The following NUDCD3 variants were observed in gnomAD, a reference collection of about 807,000 sequenced individuals.
NUDCD3 encodes the protein NudC domain containing 3.
Under a neutral mutation model 39.7 loss-of-function variants are expected in NUDCD3, and 13 were observed. That is an observed-to-expected ratio of 0.33 (90% CI 0.21 to 0.52). NUDCD3 has a LOEUF of 0.52. Among genes scored for constraint, NUDCD3 ranks in the 20% least tolerant of loss-of-function variants. The probability of loss-of-function intolerance (pLI) is 0.96; values close to 1 mark genes in which losing one functional copy is unlikely to be tolerated. For synonymous variants in NUDCD3, 175 were observed against 172.4 expected (o/e 1.02, Z -0.12); for missense variants, 453 against 458.1 (o/e 0.99, Z 0.10).
rs930077619 is a variant in NUDCD3, at chr7:44,439,328, A to G, written c.510-11625T>C. Among the ~76,000 whole-genome samples the G allele has an allele frequency of 4.6e-5, 7 of 152,316 alleles. No individual in the cohort carries two copies. In the East Asian group the frequency reaches 1.3e-3, roughly 29 times the overall value. ...GACAGCTCATGTTTAGTTCCTATAC[A>G]TCCAGGTAGAGAGGTAAAAAAGAGG... On this transcript the variant is annotated intron_variant, in intron 2 of 5. Coordinates refer to ENST00000355451, the MANE Select transcript of NUDCD3 (RefSeq NM_015332.4).
rs145132159 is a variant in NUDCD3 at position 44,415,487 on chromosome 7, T to C, written c.643-10904A>G. Among the ~76,000 whole-genome samples the C allele has an allele frequency of 5.7e-3, 866 of 152,334 alleles. 4 individuals carry two copies. Among genetic ancestry groups the C allele is most frequent in the African/African-American group, 0.02 (824 of 41,576 alleles). On this transcript the variant is annotated intron_variant, in intron 3 of 5. Coordinates refer to ENST00000355451, the MANE Select transcript of NUDCD3 (RefSeq NM_015332.4). ...TTTTCTTTCAGATTCACTAGCAAGA[T>C]GATTTTTTTTAAATGTTACGATGTA...
At position 44,385,936 on chromosome 7, in the gene NUDCD3, G is replaced by T; in HGVS notation, c.*75C>A. ...AACAAGACGAGCAAGTCCCTGGAAT[G>T]CAGGGAGCCAAGAAGGGCAGCCGAG... On this transcript the variant is annotated 3_prime_UTR_variant, in exon 6 of 6. Transcript: ENST00000355451. 1 of 780,630 alleles carries T rather than the reference G, an allele frequency of 1.3e-6. No individual in the cohort carries two copies. Among genetic ancestry groups the T allele is most frequent in the Non-Finnish European group, 2.3e-6 (1 of 431,202 alleles). 48.4% of individuals were successfully genotyped at this position (780,630 alleles called of 1,614,324 possible). A position where few individuals can be genotyped will look rare whatever the true frequency, so the allele number is the denominator to read the frequency against.
chr7:44,398,022 A>G (rs907102676), intron 4 of NUDCD3, among the ~76,000 whole-genome samples: 15 of 152,240 alleles, frequency 9.9e-5, no homozygotes, highest in Admixed American at 6.5e-4. Context: ...CACAGCCCTC[A>G]GTGGGTGGGG....
At position 44,456,036 on chromosome 7, in the gene NUDCD3, A is replaced by C. The variant is rs1213918155; in HGVS notation, c.510-28333T>G. 9.2e-5 allele frequency among the ~76,000 whole-genome samples: 12 copies of C among 130,088 alleles called. No individual in the cohort carries two copies. In the East Asian group the frequency reaches 1.6e-3, roughly 18 times the overall value. 85.3% of individuals were successfully genotyped at this position (130,088 alleles called of 152,430 possible). A position where few individuals can be genotyped will look rare whatever the true frequency, so the allele number is the denominator to read the frequency against. On this transcript the variant is annotated intron_variant, in intron 2 of 5. Transcript: ENST00000355451. ...GCGAGACTCCGTCTCAAAAAAAAAA[A>C]AAAAAAAAAAAAAACAAAAAAACAA... is the stretch of plus-strand genomic sequence containing the variant.
At chr7:44,387,386 T>C (rs1406197534) in intron 5 of NUDCD3, among the ~76,000 whole-genome samples, 2 of 152,162 alleles carry the variant, frequency 1.3e-5, no homozygotes, top group South Asian at 4.1e-4. Flanking sequence ...ACAGATACTA[T>C]ATACTAGGGA....
chr7:44,388,439 G>C (rs1798442557), intron 5 of NUDCD3, among the ~76,000 whole-genome samples: 1 of 152,204 alleles, frequency 6.6e-6, no homozygotes. Context: ...GGCCACATGA[G>C]GGCACACACC....
At chr7:44,484,261 G>A (rs1356117168) in intron 2 of NUDCD3, among the ~76,000 whole-genome samples, 5 of 152,164 alleles carry the variant, frequency 3.3e-5, no homozygotes, top group Non-Finnish European at 5.9e-5. Flanking sequence ...CAGACTGTAA[G>A]GAAGGACTGT....
chr7:44,413,022 G>A (rs1193915911), intron 3 of NUDCD3, among the ~76,000 whole-genome samples: 1 of 151,700 alleles, frequency 6.6e-6, no homozygotes, highest in Non-Finnish European at 1.5e-5. Flanking sequence ...AGATCAAAGT[G>A]GATTATAAGG....
intron 2 of NUDCD3, among the ~76,000 whole-genome samples, chr7:44,473,860 A>C (rs144000655): frequency 1.3e-5 from 2 of 151,364 alleles, no homozygotes; most frequent in Non-Finnish European, 3.0e-5. Context: ...ATTTTGAGGG[A>C]AAAAAAAGAG....
intron 1 of NUDCD3, chr7:44,490,123 T>C (rs138786079): frequency 1.8e-5 from 6 of 331,120 alleles, no homozygotes; most frequent in African/African-American, 1.3e-4. Flanking sequence ...GCTCCCTGAC[T>C]AGCGGCCCCC....
chr7:44,468,501 T>C (rs1312172578), intron 2 of NUDCD3, among the ~76,000 whole-genome samples: 1 of 152,088 alleles, frequency 6.6e-6, no homozygotes, highest in Non-Finnish European at 1.5e-5. Flanking sequence ...TTCCATAACA[T>C]AATTTTTTTA....
At position 44,379,210 on chromosome 7, in the gene NUDCD3, TG is replaced by T; in HGVS notation, c.*6800del. ...GTGCACACTTACAGTCCCAGCTACT[TG>T]GGAGGCTGAAGCAGGAGGATCACTT... is the stretch of plus-strand genomic sequence containing the variant. On this transcript the variant is annotated 3_prime_UTR_variant, in exon 6 of 6. Transcript: ENST00000355451. 6.6e-6 allele frequency: 1 copy of T among 151,040 alleles called. No individual in the cohort carries two copies. The highest frequency in any genetic ancestry group is 1.5e-5 in the Non-Finnish European group (1 of 67,862). The allele number at this position is 151,040 out of a possible 1,614,324, so 9.4% of individuals were successfully genotyped here.
At chr7:44,452,498 C>T (rs1228702181) in intron 2 of NUDCD3, among the ~76,000 whole-genome samples, 1 of 152,210 alleles carries the variant, frequency 6.6e-6, no homozygotes, top group African/African-American at 2.4e-5. Flanking sequence ...GCTGAAGACA[C>T]AGGCCCTCCA....
At chr7:44,427,500 G>C (rs1799259222) in intron 3 of NUDCD3, 71 bp downstream of exon 3, 1 of 1,531,986 alleles carries the variant, frequency 6.5e-7, no homozygotes, top group Non-Finnish European at 8.8e-7. Flanking sequence ...AAGGATGCTG[G>C]TGGGTCTTCC....
chr7:44,419,225 G>A (rs1799089910), intron 3 of NUDCD3, among the ~76,000 whole-genome samples: 1 of 152,130 alleles, frequency 6.6e-6, no homozygotes, highest in African/African-American at 2.4e-5. Context: ...TGGAAGCTCG[G>A]ACTGGGTGGA....
At chr7:44,390,007 T>C (rs1436915744) in intron 5 of NUDCD3, among the ~76,000 whole-genome samples, 1 of 152,144 alleles carries the variant, frequency 6.6e-6, no homozygotes, top group African/African-American at 2.4e-5. Context: ...ACAGGAAACA[T>C]GAGGGCTCAC....
intron 2 of NUDCD3, among the ~76,000 whole-genome samples, chr7:44,461,226 A>T (rs1800004374): frequency 6.6e-6 from 1 of 152,240 alleles, no homozygotes; most frequent in African/African-American, 2.4e-5. Context: ...TATTTCTGAC[A>T]TTCCAGAAAA....
intron 4 of NUDCD3, among the ~76,000 whole-genome samples, chr7:44,403,797 G>GTA (rs1222581851): frequency 2.6e-5 from 4 of 152,238 alleles, no homozygotes; most frequent in African/African-American, 9.6e-5. Context: ...ACCATGCCCT[G>GTA]TAAACACCCC....
Position 44,382,246 on chromosome 7 carries a change from C to T in NUDCD3, c.*3765G>A, listed in dbSNP as rs1427573636. 1.3e-5 allele frequency: 2 copies of T among 152,126 alleles called. No individual in the cohort carries two copies. Among genetic ancestry groups the T allele is most frequent in the African/African-American group, 4.8e-5 (2 of 41,418 alleles). The allele number at this position is 152,126 out of a possible 1,614,324, so 9.4% of individuals were successfully genotyped here. A position where few individuals can be genotyped will look rare whatever the true frequency, so the allele number is the denominator to read the frequency against. On this transcript the variant is annotated 3_prime_UTR_variant, in exon 6 of 6. Coordinates refer to ENST00000355451, the MANE Select transcript of NUDCD3 (RefSeq NM_015332.4). Reference sequence around the variant, plus strand: ...GAAAAACTACATATCAGGTATCATGCTGATTACCTGGGTGACAAAATTATC... The same window carrying T: ...GAAAAACTACATATCAGGTATCATGTTGATTACCTGGGTGACAAAATTATC...
Sources: gnomAD v4.1 joint callset for allele counts (sites outside exome capture counted in the v4.1 genomes callset) on GRCh38, gnomAD v4.1.1 for gene constraint, MANE v1.5 for transcripts, NCBI Gene and HGNC (gene_info 2026-07-23, HGNC 2026-07-21) for gene names.